The following CLEC16A variants were observed in gnomAD, a reference collection of about 807,000 sequenced individuals.
The protein encoded by CLEC16A is C-type lectin domain containing 16A, also known as protein CLEC16A.
A neutral mutation model predicts 109.5 loss-of-function variants in CLEC16A; 51 were observed. The ratio of observed to expected loss-of-function variants is 0.47; its 90% CI spans 0.37 to 0.59. CLEC16A has a LOEUF of 0.59. CLEC16A is among the 20% of genes least tolerant of loss of function. The pLI, the probability that CLEC16A is intolerant of heterozygous loss-of-function variation, is 0.00. For synonymous variants in CLEC16A, 673 were observed against 564.2 expected (o/e 1.19, Z -2.73); for missense variants, 1,339 against 1,394.0 (o/e 0.96, Z 0.63).
At chr16:11,055,200 T>C (rs2048146972) in intron 18 of CLEC16A, among the ~76,000 whole-genome samples, 1 of 152,210 alleles carries the variant, frequency 6.6e-6, no homozygotes, top group African/African-American at 2.4e-5. Flanking sequence ...GTAAAGTTTA[T>C]TAACAAGTAA....
intron 19 of CLEC16A, among the ~76,000 whole-genome samples, chr16:11,112,705 C>CAGCAA (rs2051682154): frequency 6.6e-6 from 1 of 152,092 alleles, no homozygotes; most frequent in South Asian, 2.1e-4. Context: ...ATATGACATG[C>CAGCAA]AGCAAATTTT....
intron 3 of CLEC16A, among the ~76,000 whole-genome samples, chr16:10,964,950 C>G (rs1389664987): frequency 6.6e-6 from 1 of 152,136 alleles, no homozygotes; most frequent in Admixed American, 6.6e-5. Flanking sequence ...GTCTGTAACA[C>G]AGTAGGATGA....
Position 11,167,762 on chromosome 16 carries a change from C to A in CLEC16A, c.2806+1210C>A, listed in dbSNP as rs1303543383. Among the ~76,000 whole-genome samples the A allele has an allele frequency of 2.0e-5, 3 of 152,338 alleles. No homozygotes were observed. In the East Asian group the frequency reaches 5.8e-4, roughly 29 times the overall value. The stretch of plus-strand genomic sequence containing the variant: ...CTTCCACTCGGCACCTGCTCCAGGG[C>A]ATGACCACCCCTTCTGAGCTATTTC... On this transcript the variant is annotated intron_variant, in intron 23 of 23. Transcript: ENST00000409790.
intron 1 of CLEC16A, among the ~76,000 whole-genome samples, chr16:10,953,156 A>T (rs894486782): frequency 1.2e-4 from 18 of 152,258 alleles, no homozygotes; most frequent in African/African-American, 4.1e-4. Context: ...CAGTAATCAG[A>T]CAGTATGGTC....
intron 19 of CLEC16A, among the ~76,000 whole-genome samples, chr16:11,071,550 T>A (rs1381643074): frequency 6.6e-6 from 1 of 151,912 alleles, no homozygotes; most frequent in African/African-American, 2.4e-5. Flanking sequence ...CTGAAGACAT[T>A]TGCATATGGA....
intron 10 of CLEC16A, among the ~76,000 whole-genome samples, chr16:10,986,740 T>A (rs956823667): frequency 2.0e-5 from 2 of 100,860 alleles, no homozygotes; most frequent in South Asian, 4.3e-4. Flanking sequence ...AATGTGTGTG[T>A]GTGTGTGTGT....
At chr16:11,042,408 G>T (rs776461961) in intron 15 of CLEC16A, 45 bp downstream of exon 15, 2 of 1,392,764 alleles carry the variant, frequency 1.4e-6, no homozygotes, top group African/African-American at 1.4e-5. Context: ...AAGGGAGAGG[G>T]ACAGGAGGAC....
intron 19 of CLEC16A, among the ~76,000 whole-genome samples, chr16:11,068,211 A>G (rs932384583): frequency 2.7e-4 from 41 of 152,182 alleles, no homozygotes; most frequent in African/African-American, 9.9e-4. Flanking sequence ...GCGATGCCCA[A>G]CTTTGCAGGG....
chr16:11,130,879 C>T (rs1481916660), intron 22 of CLEC16A, among the ~76,000 whole-genome samples: 9 of 152,208 alleles, frequency 5.9e-5, no homozygotes, highest in Non-Finnish European at 1.2e-4. Flanking sequence ...TGTCATAGAG[C>T]AGTTTGTCTC....
intron 11 of CLEC16A, among the ~76,000 whole-genome samples, chr16:11,010,120 C>G (rs542430656): frequency 1.3e-5 from 2 of 151,304 alleles, no homozygotes; most frequent in East Asian, 3.9e-4. Context: ...GCCACACACT[C>G]CAGCCGGGGT....
At chr16:11,004,364 A>G (rs1203130575) in intron 11 of CLEC16A, among the ~76,000 whole-genome samples, 1 of 152,118 alleles carries the variant, frequency 6.6e-6, no homozygotes, top group Non-Finnish European at 1.5e-5. Context: ...ACTTGGTAGA[A>G]GTGGAGCTGG....
At chr16:11,106,941 C>T (rs741172) in intron 19 of CLEC16A, among the ~76,000 whole-genome samples, 44,795 of 151,958 alleles carry the variant, frequency 0.29, 6,721 homozygotes, top group South Asian at 0.38. Context: ...GCACAGCTTC[C>T]CCTGCATTCA....
chr16:11,000,757 A>C (rs1326108066), intron 10 of CLEC16A, among the ~76,000 whole-genome samples: 1 of 152,306 alleles, frequency 6.6e-6, no homozygotes, highest in Admixed American at 6.5e-5. Flanking sequence ...AATAAAAATT[A>C]ATGTTTATAT....
At chr16:11,075,105 A>G (rs1185754394) in intron 19 of CLEC16A, among the ~76,000 whole-genome samples, 1 of 152,168 alleles carries the variant, frequency 6.6e-6, no homozygotes, top group Non-Finnish European at 1.5e-5. Flanking sequence ...AAAAATATCT[A>G]TATTGTTTCT....
intron 19 of CLEC16A, among the ~76,000 whole-genome samples, chr16:11,098,348 G>A (rs535916943): frequency 6.6e-6 from 1 of 152,366 alleles, no homozygotes; most frequent in East Asian, 1.9e-4. Flanking sequence ...GATGCAGAAA[G>A]GGACAGGGGA....
intron 10 of CLEC16A, among the ~76,000 whole-genome samples, chr16:10,999,142 GC>G (rs2044508764): frequency 6.6e-6 from 1 of 152,104 alleles, no homozygotes; most frequent in Non-Finnish European, 1.5e-5. Context: ...TCACTGTGTG[GC>G]CCCGGCTGGT....
chr16:10,986,888 C>G (rs1348081771), intron 10 of CLEC16A, among the ~76,000 whole-genome samples: 1 of 151,646 alleles, frequency 6.6e-6, no homozygotes, highest in Non-Finnish European at 1.5e-5. Context: ...GAGTCTGGCT[C>G]TGTCGCCCAG....
intron 10 of CLEC16A, among the ~76,000 whole-genome samples, chr16:11,000,144 T>A (rs575237929): frequency 6.6e-6 from 1 of 152,334 alleles, no homozygotes; most frequent in East Asian, 1.9e-4. Context: ...GGCCTCTGAA[T>A]GAACTTTATA....
intron 22 of CLEC16A, among the ~76,000 whole-genome samples, chr16:11,165,288 C>G (rs111348621): frequency 0.013 from 2,015 of 151,572 alleles, 55 homozygotes; most frequent in African/African-American, 0.047. Flanking sequence ...TCCAGGAGTT[C>G]AAGACCAGCC....
Sources: gnomAD v4.1 joint callset for allele counts (sites outside exome capture counted in the v4.1 genomes callset) on GRCh38, gnomAD v4.1.1 for gene constraint, MANE v1.5 for transcripts, NCBI Gene and HGNC (gene_info 2026-07-23, HGNC 2026-07-21) for gene names.